ARID1B: variants seen among roughly 807,000 people sequenced by gnomAD.
ARID1B encodes AT-rich interaction domain 1B.
A neutral mutation model predicts 212.3 loss-of-function variants in ARID1B; 30 were observed. That is an observed-to-expected ratio of 0.14 (90% CI 0.11 to 0.19). The LOEUF (loss-of-function observed/expected upper bound fraction) is 0.19, where lower values mean the gene tolerates loss of function less well. ARID1B is among the 10% of genes least tolerant of loss of function. The pLI is 1.00. For missense variants in ARID1B, 2,891 were observed against 3,204.0 expected (o/e 0.90, Z 2.36); for synonymous variants, 1,402 against 1,301.7 (o/e 1.08, Z -1.66).
chr6:156,791,539 G>T (rs1217585260), intron 1 of ARID1B, among the ~76,000 whole-genome samples: 3 of 152,190 alleles, frequency 2.0e-5, no homozygotes, highest in African/African-American at 7.2e-5. Flanking sequence ...TTAGCCATGT[G>T]CTCTGTGAAT....
intron 4 of ARID1B, among the ~76,000 whole-genome samples, chr6:157,037,363 A>G (rs1781399426): frequency 6.6e-6 from 1 of 152,206 alleles, no homozygotes; most frequent in African/African-American, 2.4e-5. Flanking sequence ...TAAGCCTATA[A>G]GCAGATAAAT....
At chr6:156,907,895 A>G (rs1454076494) in intron 3 of ARID1B, among the ~76,000 whole-genome samples, 2 of 149,104 alleles carry the variant, frequency 1.3e-5, no homozygotes, top group African/African-American at 5.0e-5. Context: ...GCGACAGAGC[A>G]AGACTGTCTC....
chr6:157,077,400 C>T (rs1057181231), intron 4 of ARID1B, among the ~76,000 whole-genome samples: 2 of 152,208 alleles, frequency 1.3e-5, no homozygotes, highest in African/African-American at 4.8e-5. Context: ...TGTTCCTTGG[C>T]ATAAGCACGT....
intron 4 of ARID1B, chr6:156,985,299 T>G (rs1777854631): frequency 6.6e-6 from 1 of 152,240 alleles, no homozygotes; most frequent in Non-Finnish European, 1.5e-5. Context: ...TGTGATAATA[T>G]CCGCTGCATT....
rs150699938 is a variant in ARID1B, at chr6:156,915,965, G to A, written c.2136+14440G>A. Among the ~76,000 whole-genome samples, 366 of 149,300 alleles carry A rather than the reference G, an allele frequency of 2.5e-3. 1 individual carries two copies. The highest frequency in any genetic ancestry group is 7.9e-3 in the African/African-American group (320 of 40,634). On this transcript the variant is annotated intron_variant, in intron 3 of 19. Coordinates refer to ENST00000636930, the MANE Select transcript of ARID1B (RefSeq NM_001374828.1). ...TAGAAGGTTTTTTAACAAATTACGCGCCCCACCCCCCCAGCTCACTTTCCT... is the reference window on the plus strand; with the variant it reads ...TAGAAGGTTTTTTAACAAATTACGCACCCCACCCCCCCAGCTCACTTTCCT...
intron 2 of ARID1B, among the ~76,000 whole-genome samples, chr6:156,890,757 G>A (rs1239289161): frequency 2.0e-5 from 3 of 152,220 alleles, no homozygotes; most frequent in Non-Finnish European, 4.4e-5. Context: ...GTCAAGAGAA[G>A]CCAGATAGAA....
intron 4 of ARID1B, among the ~76,000 whole-genome samples, chr6:156,956,614 T>A (rs1217216996): frequency 6.6e-6 from 1 of 152,162 alleles, no homozygotes; most frequent in African/African-American, 2.4e-5. Context: ...TCCACTGATA[T>A]CTTAATGAGA....
chr6:157,050,018 A>G (rs1245440238), intron 4 of ARID1B, among the ~76,000 whole-genome samples: 1 of 152,178 alleles, frequency 6.6e-6, no homozygotes, highest in Non-Finnish European at 1.5e-5. Context: ...TCCAAGGAGT[A>G]AGGGACCCCT....
At chr6:157,062,691 A>ATAT (rs1783416764) in intron 4 of ARID1B, among the ~76,000 whole-genome samples, 1 of 142,688 alleles carries the variant, frequency 7.0e-6, no homozygotes, top group African/African-American at 2.6e-5. Flanking sequence ...TATGTTTTAA[A>ATAT]ATATATATAT....
chr6:156,874,198 G>A (rs1786365460), intron 2 of ARID1B, among the ~76,000 whole-genome samples: 1 of 152,096 alleles, frequency 6.6e-6, no homozygotes, highest in Non-Finnish European at 1.5e-5. Flanking sequence ...TCAGGTAGCT[G>A]GGACAATAGA....
At chr6:157,130,497 T>C (rs1788475623) in intron 6 of ARID1B, among the ~76,000 whole-genome samples, 1 of 152,236 alleles carries the variant, frequency 6.6e-6, no homozygotes, top group African/African-American at 2.4e-5. Flanking sequence ...TGTTTTCAGA[T>C]TGAATAAGCA....
intron 8 of ARID1B, chr6:157,150,234 A>G (rs1790097985): frequency 6.6e-6 from 1 of 152,232 alleles, no homozygotes; most frequent in South Asian, 2.1e-4. Flanking sequence ...GGACCTCAGA[A>G]GATAGCCACA....
chr6:156,779,820 G>C (rs994459233), intron 1 of ARID1B: 1 of 154,494 alleles, frequency 6.5e-6, no homozygotes, highest in Non-Finnish European at 1.5e-5. Context: ...GGACCGTTCG[G>C]GTGCTTTTGT....
At chr6:157,043,924 T>C (rs911038760) in intron 4 of ARID1B, among the ~76,000 whole-genome samples, 5 of 152,364 alleles carry the variant, frequency 3.3e-5, no homozygotes, top group African/African-American at 1.2e-4. Context: ...ATCACTCTAC[T>C]TCTTTCCACT....
intron 3 of ARID1B, among the ~76,000 whole-genome samples, chr6:156,906,191 A>G (rs1789359929): frequency 6.6e-6 from 1 of 152,032 alleles, no homozygotes. Flanking sequence ...AGCTGGGGGT[A>G]CTTTTGTGAT....
At position 157,094,634 on chromosome 6, in the gene ARID1B, C is replaced by T. The variant is rs1010356295; in HGVS notation, c.2491+9729C>T. On this transcript the variant is annotated intron_variant, in intron 5 of 19. Transcript: ENST00000636930. This position sits in a 1 kb window ranked among gnomAD's most constrained non-coding sequence, Gnocchi z 4.3. Reference sequence around the variant, plus strand: ...CCTCCCAAAGTGCTAGGATTACAGGCGTGAGCCACCGCGCCTGGCCGATTT... The same window carrying T: ...CCTCCCAAAGTGCTAGGATTACAGGTGTGAGCCACCGCGCCTGGCCGATTT... Among the ~76,000 whole-genome samples, 14 of 152,146 alleles carry T rather than the reference C, an allele frequency of 9.2e-5. No individual in the cohort carries two copies. Among genetic ancestry groups the T allele is most frequent in the Admixed American group, 2.6e-4 (4 of 15,276 alleles).
intron 8 of ARID1B, among the ~76,000 whole-genome samples, chr6:157,163,303 G>A (rs1302580125): frequency 6.6e-6 from 1 of 152,128 alleles, no homozygotes; most frequent in African/African-American, 2.4e-5. Context: ...TTTGTTGTGA[G>A]CCACAGACTC....
At position 156,798,606 on chromosome 6, in the gene ARID1B, A is replaced by G. The variant is rs188042209; in HGVS notation, c.1791+19135A>G. 3.7e-3 allele frequency among the ~76,000 whole-genome samples: 569 copies of G among 152,376 alleles called. 6 individuals are homozygous for G. The highest frequency in any genetic ancestry group is 0.014 in the Middle Eastern group (4 of 294). On this transcript the variant is annotated intron_variant, in intron 1 of 19. Transcript: ENST00000636930. ...AGACTGAGGGGAAGATTATTTACAA[A>G]TATTTCCAGAAGATTAGTTTTGTAA... is the stretch of plus-strand genomic sequence containing the variant.
intron 2 of ARID1B, among the ~76,000 whole-genome samples, chr6:156,859,465 C>T (rs1283968038): frequency 1.3e-5 from 2 of 152,080 alleles, no homozygotes; most frequent in East Asian, 1.9e-4. Flanking sequence ...AGGGAGAGTT[C>T]GCCTTCCCTT....
Sources: allele counts gnomAD v4.1 joint callset (sites outside exome capture counted in the v4.1 genomes callset), GRCh38; gene constraint gnomAD v4.1.1; non-coding constraint Gnocchi (gnomAD v3.1); transcripts MANE v1.5; gene names NCBI Gene and HGNC (gene_info 2026-07-23, HGNC 2026-07-21).